The following CSRNP2 variants were observed in gnomAD, a reference collection of about 807,000 sequenced individuals.
The protein encoded by CSRNP2 is cysteine/serine-rich nuclear protein 2.
In CSRNP2, 11 loss-of-function variants were observed where a neutral mutation model predicts 36.6. The ratio of observed to expected loss-of-function variants is 0.30; its 90% CI spans 0.19 to 0.50. The LOEUF (loss-of-function observed/expected upper bound fraction) is 0.50. Ranked by LOEUF, CSRNP2 falls within the 20% of genes least tolerant of loss-of-function variation. The probability of loss-of-function intolerance (pLI) is 0.98; values close to 1 mark genes in which losing one functional copy is unlikely to be tolerated. For missense variants in CSRNP2, 483 were observed against 691.4 expected (o/e 0.70, Z 3.38); for synonymous variants, 248 against 275.3 (o/e 0.90, Z 0.98).
chr12:51,063,612 C>A lies in CSRNP2; in HGVS notation c.*134G>T. The stretch of plus-strand genomic sequence containing the variant: ...TAAAAAATACTCAAACAATCCTTTC[C>A]CACCCATTCCCCAAAGACCCCAATA... On this transcript the variant is annotated 3_prime_UTR_variant, in exon 5 of 5. Coordinates refer to ENST00000228515, the MANE Select transcript of CSRNP2 (RefSeq NM_030809.3). 1 of 686,912 alleles carries A rather than the reference C, an allele frequency of 1.5e-6. No individual in the cohort carries two copies. Among genetic ancestry groups the A allele is most frequent in the Middle Eastern group, 3.5e-4 (1 of 2,830 alleles). The allele number at this position is 686,912 out of a possible 1,614,324, so 42.6% of individuals were successfully genotyped here. A position where few individuals can be genotyped will look rare whatever the true frequency, so the allele number is the denominator to read the frequency against.
At chr12:51,068,159 TTTTA>T (rs1938591593) in intron 3 of CSRNP2, among the ~76,000 whole-genome samples, 190 bp from the exon 4 acceptor site, 1 of 152,316 alleles carries the variant, frequency 6.6e-6, no homozygotes, top group Non-Finnish European at 1.5e-5. Flanking sequence ...AAAACTGTCA[TTTTA>T]TTTATTTTTT....
chr12:51,073,769 G>A, intron 3 of CSRNP2, 54 bp downstream of exon 3: 1 of 1,500,766 alleles, frequency 6.7e-7, no homozygotes. Flanking sequence ...ACCAACCAAT[G>A]AACCTAAATG....
At chr12:51,071,907 A>G (rs895210541) in intron 3 of CSRNP2, among the ~76,000 whole-genome samples, 8 of 152,196 alleles carry the variant, frequency 5.3e-5, no homozygotes, top group Non-Finnish European at 4.4e-5. Context: ...GGAATTCCTC[A>G]GACAGAGGAA....
At chr12:51,074,926 A>G (rs28695461) in intron 2 of CSRNP2, among the ~76,000 whole-genome samples, 6 of 151,932 alleles carry the variant, frequency 3.9e-5, no homozygotes, top group Admixed American at 3.3e-4. Context: ...TTAGCTGGGC[A>G]TGGTGGCACA....
Position 51,076,575 on chromosome 12 carries a change from G to C in CSRNP2, c.-14C>G. On this transcript the variant is annotated 5_prime_UTR_variant, in exon 2 of 5. Transcript: ENST00000228515. ...GAATGCATCCATTGGTTTCAAAGGG[G>C]TTTCCTTGGGGAGCCCACCAAGTTG... 6.2e-7 allele frequency: 1 copy of C among 1,613,812 alleles called. No homozygotes were observed. Among genetic ancestry groups the C allele is most frequent in the Non-Finnish European group, 8.5e-7 (1 of 1,179,860 alleles).
rs1937795004 is a variant in CSRNP2 at position 51,063,633 on chromosome 12, C to T, written c.*113G>A. ...TTTCCCACCCATTCCCCAAAGACCC[C>T]AATAAAATAACATGGGAGCAGCAGC... On this transcript the variant is annotated 3_prime_UTR_variant, in exon 5 of 5. Coordinates refer to ENST00000228515, the MANE Select transcript of CSRNP2 (RefSeq NM_030809.3). 1 of 847,218 alleles carries T rather than the reference C, an allele frequency of 1.2e-6. No individual in the cohort carries two copies. Among genetic ancestry groups the T allele is most frequent in the Admixed American group, 3.0e-5 (1 of 33,428 alleles). The allele number at this position is 847,218 out of a possible 1,614,324, so 52.5% of individuals were successfully genotyped here.
intron 3 of CSRNP2, among the ~76,000 whole-genome samples, chr12:51,073,513 C>CTTGAGACCAGGAGT (rs1465232226): frequency 6.6e-6 from 1 of 151,728 alleles, no homozygotes; most frequent in Non-Finnish European, 1.5e-5. Context: ...AGGTAGATCA[C>CTTGAGACCAGGAGT]TTGAGACCAG....
intron 1 of CSRNP2, among the ~76,000 whole-genome samples, chr12:51,080,836 T>A (rs1264326152): frequency 6.6e-6 from 1 of 152,196 alleles, no homozygotes. Context: ...AACTCGACTT[T>A]TAGATGAAGA....
In CSRNP2 at chr12:51,076,665, G is replaced by GGAATCAGCATTCCTGTCCC. The variant is rs1339091352; in HGVS notation, c.-86-37_-86-19dup. ...TTAGGATTCTGCCCAGGGAAAAAAA[G>GGAATCAGCATTCCTGTCCC]GAATCAGCATTCCTGTCCCCAGACA... On this transcript the variant is annotated intron_variant, in intron 1 of 4. Transcript: ENST00000228515. 7.4e-7 allele frequency: 1 copy of GGAATCAGCATTCCTGTCCC among 1,344,962 alleles called. No homozygotes were observed. Among genetic ancestry groups the GGAATCAGCATTCCTGTCCC allele is most frequent in the Non-Finnish European group, 1.0e-6 (1 of 958,230 alleles). 83.3% of individuals were successfully genotyped at this position (1,344,962 alleles called of 1,614,324 possible).
chr12:51,079,607 CAAAAAAAAA>C (rs35343188), intron 1 of CSRNP2, among the ~76,000 whole-genome samples: 1 of 135,356 alleles, frequency 7.4e-6, no homozygotes, highest in Non-Finnish European at 1.6e-5. Flanking sequence ...ACTAAAAATC[CAAAAAAAAA>C]AAAAAAATTA....
rs2136868138 is a variant in CSRNP2 at position 51,067,811 on chromosome 12, A to G, written c.570T>C (p.Ser190=). The G allele has an allele frequency of 1.9e-6, 3 of 1,614,232 alleles. No individual in the cohort carries two copies. The highest frequency in any genetic ancestry group is 2.5e-6 in the Non-Finnish European group (3 of 1,180,046). The part of the protein sequence containing the change: ...TKRRRALLRA[S]GVHRIDAEEK... ...CTTCAGCATCAATACGGTGGACCCC[A>G]GAAGCCCTCAGCAGGGCCCGTCGCC... The change falls in exon 4 of 5, where the codon TCT becomes TCC. Residue 190 remains serine, a synonymous_variant. Transcript: ENST00000228515. This position sits in a 1 kb window ranked among gnomAD's most constrained non-coding sequence, Gnocchi z 4.1.
At position 51,076,046 on chromosome 12, in the gene CSRNP2, G is replaced by GA. The variant is rs200572591; in HGVS notation, c.151+364dup. ...AGCCTGGGCAACAAGAGCAAAACGA[G>GA]AAAAAAAAAGAATTAAGAAATCTGG... On this transcript the variant is annotated intron_variant, in intron 2 of 4. Coordinates refer to ENST00000228515, the MANE Select transcript of CSRNP2 (RefSeq NM_030809.3). Among the ~76,000 whole-genome samples the GA allele has an allele frequency of 5.6e-3, 846 of 150,738 alleles. 3 individuals carry two copies. The highest frequency in any genetic ancestry group is 0.037 in the East Asian group (190 of 5,128).
At chr12:51,069,692 CTTTTT>C (rs894915514) in intron 3 of CSRNP2, among the ~76,000 whole-genome samples, 2 of 141,330 alleles carry the variant, frequency 1.4e-5, no homozygotes, top group African/African-American at 2.7e-5. Context: ...TTTTTTTTTT[CTTTTT>C]TTTCTTTTTT....
chr12:51,074,161 A>T (rs1195683238), intron 2 of CSRNP2, 79 bp from the exon 3 acceptor site: 2 of 1,466,432 alleles, frequency 1.4e-6, no homozygotes, highest in African/African-American at 1.4e-5. Context: ...TCTGTTGCCC[A>T]GGCTGGAGTG....
intron 3 of CSRNP2, among the ~76,000 whole-genome samples, chr12:51,072,306 T>C (rs1162469245): frequency 6.6e-6 from 1 of 151,834 alleles, no homozygotes; most frequent in Non-Finnish European, 1.5e-5. Flanking sequence ...ACGCCTATAA[T>C]CCCAGCACTT....
chr12:51,065,974 G>A (rs1401315096), intron 4 of CSRNP2, among the ~76,000 whole-genome samples: 1 of 152,206 alleles, frequency 6.6e-6, no homozygotes, highest in Non-Finnish European at 1.5e-5. Context: ...CATTCTTAGG[G>A]ATGGTATTGC....
At chr12:51,071,411 GA>G (rs921031613) in intron 3 of CSRNP2, among the ~76,000 whole-genome samples, 3 of 147,570 alleles carry the variant, frequency 2.0e-5, no homozygotes, top group Non-Finnish European at 3.0e-5. Flanking sequence ...TGTTTCAAGA[GA>G]AAAAAAAAAT....
At position 51,064,534 on chromosome 12, in the gene CSRNP2, G is replaced by C. The variant is rs372251060; in HGVS notation, c.844C>G (p.Arg282Gly). 3.1e-6 allele frequency: 5 copies of C among 1,613,270 alleles called. No homozygotes were observed. The South Asian group carries it at 3.3e-5, about 11-fold the overall frequency. ...GGGGCTGCTGGGCGGCTCACCTGCC[G>C]CTTGCTCTCCAGCTCCAGCTTCATA... Reference protein sequence around the residue: ...TIMKLELESKRQVSRPAAPDE... With the variant: ...TIMKLELESKGQVSRPAAPDE... The change falls in exon 5 of 5, where the codon CGG (arginine) becomes GGG (glycine). Residue 282 changes from arginine (R) to glycine (G), a missense_variant. Arg to Gly is a moderately radical substitution (Grantham distance 125). Around this residue, in one of 2 missense-constraint regions of CSRNP2, gnomAD observed 277 missense variants for 323.6 expected, o/e 0.86. Transcript: ENST00000228515.
chr12:51,081,261 C>T (rs1047317298), intron 1 of CSRNP2, among the ~76,000 whole-genome samples: 2 of 152,046 alleles, frequency 1.3e-5, no homozygotes, highest in African/African-American at 4.8e-5. Context: ...GCACTCCAGC[C>T]TGGGTGACAG....
Sources: gnomAD v4.1 joint callset for allele counts (sites outside exome capture counted in the v4.1 genomes callset) on GRCh38, gnomAD v4.1.1 for gene constraint, gnomAD v4.1.1 regional missense constraint, Gnocchi (gnomAD v3.1) non-coding constraint, MANE v1.5 for transcripts, NCBI Gene and HGNC (gene_info 2026-07-23, HGNC 2026-07-21) for gene names.